The following BLTP1 variants were observed in gnomAD, a reference collection of about 807,000 sequenced individuals.
BLTP1 encodes the protein bridge-like lipid transfer protein family member 1, also known as fragile site-associated protein.
At chr4:122,191,719 A>G in the BLTP1 span, among the ~76,000 whole-genome samples, 6 of 152,088 alleles carry the variant, frequency 3.9e-5, no homozygotes, top group South Asian at 1.2e-3. Flanking sequence ...AAATTATCTG[A>G]AAAAGCTATT....
At chr4:122,201,055 C>G in the BLTP1 span, 1 of 1,613,744 alleles carries the variant, frequency 6.2e-7, no homozygotes, top group Non-Finnish European at 8.5e-7. Context: ...ATGCCGCAGA[C>G]ATGGCAGTGT....
the BLTP1 span, chr4:122,227,553 G>A: frequency 1.2e-6 from 1 of 810,176 alleles, no homozygotes; most frequent in Non-Finnish European, 1.5e-6. Context: ...ACAACACAGT[G>A]GTTAACAACT....
At chr4:122,240,282 C>G in the BLTP1 span, 1 of 1,614,148 alleles carries the variant, frequency 6.2e-7, no homozygotes, top group Non-Finnish European at 8.5e-7. Flanking sequence ...GCATCGTCCC[C>G]TTGATCTGGA....
chr4:122,256,192 A>G, the BLTP1 span: 2 of 983,270 alleles, frequency 2.0e-6, no homozygotes, highest in Non-Finnish European at 2.4e-6. Flanking sequence ...ATTAATGGCC[A>G]GTCAAGCCAT....
the BLTP1 span, chr4:122,276,109 G>A: frequency 9.0e-7 from 1 of 1,112,336 alleles, no homozygotes; most frequent in Non-Finnish European, 1.2e-6. Flanking sequence ...TCATGGCTGT[G>A]AATTATTTAG....
the BLTP1 span, among the ~76,000 whole-genome samples, chr4:122,179,505 C>G: frequency 6.6e-6 from 1 of 152,058 alleles, no homozygotes; most frequent in African/African-American, 2.4e-5. Flanking sequence ...AGGCTTCTGT[C>G]CAGGATCTTT....
chr4:122,325,553 A>G, the BLTP1 span: 1,708 of 1,207,770 alleles, frequency 1.4e-3, 19 homozygotes, highest in African/African-American at 0.025. Context: ...TAAAGGCTCC[A>G]TAACTGCTTT....
chr4:122,329,859 T>C, the BLTP1 span, among the ~76,000 whole-genome samples: 1 of 151,726 alleles, frequency 6.6e-6, no homozygotes, highest in African/African-American at 2.4e-5. Context: ...ACTTTATACA[T>C]GATTGATTAG....
At chr4:122,315,746 AT>A in the BLTP1 span, 2 of 1,532,410 alleles carry the variant, frequency 1.3e-6, no homozygotes, top group Non-Finnish European at 1.8e-6. Flanking sequence ...AGACAGGGAT[AT>A]TTTTTGTTCA....
chr4:122,220,815 G>A, the BLTP1 span, among the ~76,000 whole-genome samples: 1 of 152,070 alleles, frequency 6.6e-6, no homozygotes. Flanking sequence ...CAGCATAAAT[G>A]TTAATATTAA....
chr4:122,180,963 C>T, the BLTP1 span, among the ~76,000 whole-genome samples: 1 of 152,314 alleles, frequency 6.6e-6, no homozygotes, highest in South Asian at 2.1e-4. Flanking sequence ...ATCATTCTTT[C>T]ACTTCTTGGT....
At chr4:122,236,791 T>G in the BLTP1 span, 1 of 978,350 alleles carries the variant, frequency 1.0e-6, no homozygotes, top group African/African-American at 1.8e-5. Context: ...TAATAGGAAG[T>G]GTCTGTATCT....
chr4:122,279,181 T>G, the BLTP1 span, among the ~76,000 whole-genome samples: 1 of 152,212 alleles, frequency 6.6e-6, no homozygotes, highest in Non-Finnish European at 1.5e-5. Context: ...TCAACTTTGA[T>G]TTTTTAGTCA....
the BLTP1 span, chr4:122,281,494 G>A: frequency 1.1e-4 from 162 of 1,510,858 alleles, 1 homozygote; most frequent in African/African-American, 3.7e-4. Context: ...AAAATGGTAC[G>A]TCCTGTGTTT....
chr4:122,223,221 T>G, the BLTP1 span: 1 of 858,164 alleles, frequency 1.2e-6, no homozygotes, highest in Non-Finnish European at 1.4e-6. Flanking sequence ...AAGTTTCTTA[T>G]GAATTAGAGT....
At chr4:122,273,497 A>C in the BLTP1 span, 3 of 937,482 alleles carry the variant, frequency 3.2e-6, no homozygotes, top group South Asian at 4.9e-5. Flanking sequence ...TTAAAAAAAA[A>C]AAATTGTCAG....
At chr4:122,303,273 T>C in the BLTP1 span, among the ~76,000 whole-genome samples, 2 of 152,208 alleles carry the variant, frequency 1.3e-5, no homozygotes, top group Non-Finnish European at 2.9e-5. Context: ...CACATCTTTT[T>C]ACAACATGGT....
chr4:122,154,893 T>C, the BLTP1 span: 1 of 891,768 alleles, frequency 1.1e-6, no homozygotes, highest in Non-Finnish European at 1.3e-6. Context: ...ATTGAGAAAA[T>C]GAAGAAAAGT....
At chr4:122,266,623 G>A in the BLTP1 span, 555 of 188,110 alleles carry the variant, frequency 3.0e-3, 5 homozygotes, top group Middle Eastern at 0.046. Context: ...TTTAAGTAAA[G>A]TTAGAGTCAA....
Sources: allele counts gnomAD v4.1 joint callset (sites outside exome capture counted in the v4.1 genomes callset), GRCh38; gene constraint gnomAD v4.1.1; transcripts MANE v1.5; gene names NCBI Gene and HGNC (gene_info 2026-07-23, HGNC 2026-07-21).